RGS7: variants seen among roughly 807,000 people sequenced by gnomAD.
RGS7 encodes the protein regulator of G-protein signaling 7.
In RGS7, 27 loss-of-function variants were observed where a neutral mutation model predicts 81.1. The ratio of observed to expected loss-of-function variants is 0.33; its 90% confidence interval spans 0.25 to 0.46. The LOEUF is 0.46. RGS7 is among the 20% of genes least tolerant of loss of function. RGS7 has a pLI of 1.00. For synonymous variants in RGS7, 208 were observed against 207.7 expected (o/e 1.00, Z -0.01); for missense variants, 396 against 607.4 (o/e 0.65, Z 3.66).
intron 2 of RGS7, among the ~76,000 whole-genome samples, chr1:241,245,575 G>A (rs61833813): frequency 0.11 from 16,228 of 151,804 alleles, 953 homozygotes; most frequent in Middle Eastern, 0.17. Flanking sequence ...TTGGGAGGTC[G>A]AGGTGGGCAG....
intron 4 of RGS7, among the ~76,000 whole-genome samples, chr1:240,940,577 A>G (rs951210249): frequency 2.0e-5 from 3 of 152,202 alleles, no homozygotes; most frequent in African/African-American, 7.2e-5. Context: ...CCCGGAAGAA[A>G]AATTAAGTTA....
chr1:241,190,444 A>G (rs571282174), intron 2 of RGS7, among the ~76,000 whole-genome samples: 1 of 152,228 alleles, frequency 6.6e-6, no homozygotes, highest in Admixed American at 6.5e-5. Context: ...GAGTTTTCCA[A>G]TCAGTAAAAA....
In RGS7 at chr1:241,185,004, C is replaced by A. The variant is rs189497041; in HGVS notation, c.79-86242G>T. ...AAAATATTATGGAAGTGGACTTTTG[C>A]AGGAGGTAATATTCTAAAGTATGTC... On this transcript the variant is annotated intron_variant, in intron 2 of 18. Coordinates refer to ENST00000440928, the MANE Select transcript of RGS7 (RefSeq NM_001364886.1). 1.4e-4 allele frequency among the ~76,000 whole-genome samples: 22 copies of A among 152,238 alleles called. No individual in the cohort carries two copies. In the East Asian group the frequency reaches 3.5e-3, roughly 24 times the overall value.
At chr1:241,346,236 C>T (rs2082888541) in intron 2 of RGS7, among the ~76,000 whole-genome samples, 1 of 151,974 alleles carries the variant, frequency 6.6e-6, no homozygotes. Flanking sequence ...TTATATCAGT[C>T]AGTTCTTCCT....
intron 2 of RGS7, among the ~76,000 whole-genome samples, chr1:241,248,177 G>A (rs1460227688): frequency 6.6e-6 from 1 of 151,824 alleles, no homozygotes; most frequent in African/African-American, 2.4e-5. Flanking sequence ...AAGACTTCTT[G>A]TCTTGAAGCC....
chr1:241,082,441 C>T (rs1424729739), intron 3 of RGS7, among the ~76,000 whole-genome samples: 2 of 152,218 alleles, frequency 1.3e-5, no homozygotes, highest in East Asian at 3.8e-4. Context: ...CAATTTTGTA[C>T]TGTTCCTTCG....
At chr1:240,838,461 T>A (rs1419122202) in intron 9 of RGS7, among the ~76,000 whole-genome samples, 1 of 152,210 alleles carries the variant, frequency 6.6e-6, no homozygotes, top group Non-Finnish European at 1.5e-5. Flanking sequence ...CCATAACACA[T>A]ACCTCGGTTT....
intron 2 of RGS7, among the ~76,000 whole-genome samples, chr1:241,125,362 A>G (rs1235551511): frequency 1.3e-5 from 2 of 151,916 alleles, no homozygotes; most frequent in African/African-American, 4.8e-5. Flanking sequence ...CAGTATTCCA[A>G]TTTCTCTAGG....
intron 9 of RGS7, among the ~76,000 whole-genome samples, chr1:240,865,846 AATAGAG>A (rs1400027425): frequency 4.6e-5 from 7 of 152,192 alleles, no homozygotes; most frequent in African/African-American, 1.7e-4. Context: ...ACAGCCAGCA[AATAGAG>A]ATAGAGCTTA....
At chr1:241,251,555 G>C (rs1272864944) in intron 2 of RGS7, among the ~76,000 whole-genome samples, 1 of 151,694 alleles carries the variant, frequency 6.6e-6, no homozygotes, top group Non-Finnish European at 1.5e-5. Flanking sequence ...GATTGCCCAG[G>C]CTGGAGTGCA....
intron 9 of RGS7, among the ~76,000 whole-genome samples, chr1:240,844,314 C>G (rs1002409087): frequency 5.9e-5 from 9 of 152,136 alleles, no homozygotes; most frequent in African/African-American, 2.4e-5. Context: ...ACACCCACAA[C>G]TATGCAAGAT....
chr1:241,136,505 G>A (rs1468214505), intron 2 of RGS7, among the ~76,000 whole-genome samples: 1 of 152,114 alleles, frequency 6.6e-6, no homozygotes, highest in African/African-American at 2.4e-5. Flanking sequence ...CTCCTGCCTT[G>A]TGTGGCCACA....
intron 9 of RGS7, among the ~76,000 whole-genome samples, chr1:240,850,148 C>T (rs77330004): frequency 0.016 from 2,496 of 152,202 alleles, 17 homozygotes; most frequent in Non-Finnish European, 0.026. Context: ...TTTTATTGTG[C>T]TCTGATTTAT....
chr1:241,248,885 A>G (rs866689194), intron 2 of RGS7, among the ~76,000 whole-genome samples: 8 of 152,164 alleles, frequency 5.3e-5, no homozygotes, highest in African/African-American at 1.7e-4. Context: ...CATTCGACGA[A>G]CTTGCTACCA....
intron 2 of RGS7, among the ~76,000 whole-genome samples, chr1:241,314,166 C>T (rs1052067273): frequency 3.3e-5 from 5 of 152,214 alleles, no homozygotes; most frequent in Admixed American, 1.3e-4. Flanking sequence ...CTTCAATCTT[C>T]GAAGTCCTTC....
intron 9 of RGS7, among the ~76,000 whole-genome samples, chr1:240,865,623 A>C (rs1663098245): frequency 6.6e-6 from 1 of 152,238 alleles, no homozygotes; most frequent in Non-Finnish European, 1.5e-5. Flanking sequence ...TGAGCTATAG[A>C]AATACCTATT....
intron 3 of RGS7, among the ~76,000 whole-genome samples, chr1:241,000,676 T>C (rs1194446625): frequency 6.6e-6 from 1 of 152,022 alleles, no homozygotes; most frequent in Non-Finnish European, 1.5e-5. Context: ...ATACAGAGTC[T>C]CCCTCTGTCA....
intron 4 of RGS7, among the ~76,000 whole-genome samples, chr1:240,982,154 C>A (rs899511139): frequency 2.8e-5 from 4 of 145,358 alleles, no homozygotes; most frequent in African/African-American, 1.0e-4. Context: ...GGCATGGTGG[C>A]TCACATCTGT....
rs576763598 is a variant in RGS7, at chr1:240,933,038, A to G, written c.334-2270T>C. On this transcript the variant is annotated intron_variant, in intron 5 of 18. Transcript: ENST00000440928. ...AGCTGGGACTACAGGCGCCCGCACC[A>G]CGCCCGGCTAATTTTTTGTATTTTC... Among the ~76,000 whole-genome samples, 11 of 146,572 alleles carry G rather than the reference A, an allele frequency of 7.5e-5. 1 individual carries two copies. Among genetic ancestry groups the G allele is most frequent in the South Asian group, 6.5e-4 (3 of 4,622 alleles).
Sources: gnomAD v4.1 joint callset for allele counts (sites outside exome capture counted in the v4.1 genomes callset) on GRCh38, gnomAD v4.1.1 for gene constraint, MANE v1.5 for transcripts, NCBI Gene and HGNC (gene_info 2026-07-23, HGNC 2026-07-21) for gene names.